The following ARF3 variants were observed in gnomAD, a reference collection of about 807,000 sequenced individuals.
ARF3 encodes ADP-ribosylation factor 3.
ARF3 carries 5 observed loss-of-function variants against 19.3 expected under a neutral mutation model. That is an observed-to-expected ratio of 0.26 (90% confidence interval 0.14 to 0.54). The LOEUF (loss-of-function observed/expected upper bound fraction) is 0.54, where lower values mean the gene tolerates loss of function less well. Among genes scored for constraint, ARF3 ranks in the 20% least tolerant of loss-of-function variants. ARF3 has a pLI of 0.95. For missense variants in ARF3, 77 were observed against 234.2 expected (o/e 0.33, Z 4.38); for synonymous variants, 71 against 89.2 (o/e 0.80, Z 1.15).
At chr12:48,945,959 T>C (rs1940351272) in intron 1 of ARF3, among the ~76,000 whole-genome samples, 1 of 152,146 alleles carries the variant, frequency 6.6e-6, no homozygotes. Context: ...TGTGCCACCA[T>C]GCCTTGCTAA....
intron 1 of ARF3, among the ~76,000 whole-genome samples, chr12:48,948,804 C>T (rs763587861): frequency 1.3e-5 from 2 of 150,802 alleles, no homozygotes; most frequent in South Asian, 2.1e-4. Context: ...GAGTGAGACT[C>T]GGTCTCAAAA....
At position 48,937,914 on chromosome 12, in the gene ARF3, C is replaced by T. The variant is rs1940176020; in HGVS notation, c.*1033G>A. 6.2e-6 allele frequency: 1 copy of T among 160,766 alleles called. No individual in the cohort carries two copies. The highest frequency in any genetic ancestry group is 1.4e-5 in the Non-Finnish European group (1 of 73,042). The allele number at this position is 160,766 out of a possible 1,614,324, so 10.0% of individuals were successfully genotyped here. On this transcript the variant is annotated 3_prime_UTR_variant, in exon 5 of 5. Coordinates refer to ENST00000256682, the MANE Select transcript of ARF3 (RefSeq NM_001659.3). ...ATGGGATTGGCCCATGCCTCACCTT[C>T]TCCTAATAACAAAAGAGAATGAAGA...
Position 48,939,721 on chromosome 12 carries a change from C to T in ARF3, c.318G>A (p.Glu106=). The change falls in exon 4 of 5, where the codon GAG becomes GAA. Residue 106 remains glutamate, a synonymous_variant. Coordinates refer to ENST00000256682, the MANE Select transcript of ARF3 (RefSeq NM_001659.3). The surrounding 1 kb of genome is among the most constrained non-coding windows in gnomAD (Gnocchi z 4.8). ...CGTCCTCCGCCAGCATTCTCATCAGCTCTTCCCGGGCCTCATTTACTCGCT... is the reference window on the plus strand; with the variant it reads ...CGTCCTCCGCCAGCATTCTCATCAGTTCTTCCCGGGCCTCATTTACTCGCT... The part of the protein sequence containing the change: ...DRERVNEARE[E]LMRMLAEDEL... The T allele has an allele frequency of 6.2e-7, 1 of 1,614,206 alleles. No individual in the cohort carries two copies. The highest frequency in any genetic ancestry group is 2.2e-5 in the East Asian group (1 of 44,884).
intron 1 of ARF3, among the ~76,000 whole-genome samples, chr12:48,947,997 G>A (rs1940388911): frequency 6.6e-6 from 1 of 151,100 alleles, no homozygotes. Context: ...CCTGAGGCCA[G>A]GAGTTCAAGG....
chr12:48,950,292 C>A lies in ARF3; in HGVS notation c.-94+7018G>T, dbSNP rs188107676. On this transcript the variant is annotated intron_variant, in intron 1 of 4. Coordinates refer to ENST00000256682, the MANE Select transcript of ARF3 (RefSeq NM_001659.3). Reference sequence around the variant, plus strand: ...CTCACTGCAGCCTCCACCTCCCAGGCTCGAGCAATCCTCCCACTTCAGCCT... The same window carrying A: ...CTCACTGCAGCCTCCACCTCCCAGGATCGAGCAATCCTCCCACTTCAGCCT... Among the ~76,000 whole-genome samples the A allele has an allele frequency of 1.3e-4, 20 of 151,728 alleles. No individual in the cohort carries two copies. In the East Asian group the frequency reaches 3.5e-3, roughly 27 times the overall value.
intron 1 of ARF3, among the ~76,000 whole-genome samples, chr12:48,941,952 T>A (rs1199536800): frequency 6.6e-6 from 1 of 152,180 alleles, no homozygotes; most frequent in African/African-American, 2.4e-5. Context: ...TCCCACATGG[T>A]CGCTGCAATG....
In ARF3 at chr12:48,938,730, G is replaced by T; in HGVS notation, c.*217C>A. The T allele has an allele frequency of 1.6e-6, 1 of 611,200 alleles. No individual in the cohort carries two copies. Among genetic ancestry groups the T allele is most frequent in the Non-Finnish European group, 2.9e-6 (1 of 349,422 alleles). 37.9% of individuals were successfully genotyped at this position (611,200 alleles called of 1,614,324 possible). ...CTTTTTGTTTTAAATCCAGTAAATTGGAATGACTCATCATCAGGACAGCAA... is the reference window on the plus strand; with the variant it reads ...CTTTTTGTTTTAAATCCAGTAAATTTGAATGACTCATCATCAGGACAGCAA... On this transcript the variant is annotated 3_prime_UTR_variant, in exon 5 of 5. Transcript: ENST00000256682.
intron 1 of ARF3, among the ~76,000 whole-genome samples, chr12:48,952,317 C>T (rs1452152036): frequency 2.0e-5 from 3 of 152,154 alleles, no homozygotes; most frequent in Non-Finnish European, 4.4e-5. Flanking sequence ...GCAAGTGAGT[C>T]AGAAAAGATG....
rs1446467545 is a variant in ARF3 at position 48,938,976 on chromosome 12, G to A, written c.517C>T (p.Leu173=). The change falls in exon 5 of 5, where the codon CTG becomes TTG. Residue 173 remains leucine (L), a synonymous_variant. Coordinates refer to ENST00000256682, the MANE Select transcript of ARF3 (RefSeq NM_001659.3). ...TTCTTGTTTTTGAGCTGATTGGCCA[G>A]CCAGTCCAGGCCTTCGTACAGCCCG... ...GDGLYEGLDW[L]ANQLKNKK is the part of the protein sequence containing the mutation. 6.2e-7 allele frequency: 1 copy of A among 1,612,674 alleles called. No individual in the cohort carries two copies. The highest frequency in any genetic ancestry group is 1.7e-5 in the Admixed American group (1 of 60,006).
chr12:48,950,677 C>T (rs902008291), intron 1 of ARF3, among the ~76,000 whole-genome samples: 1 of 152,034 alleles, frequency 6.6e-6, no homozygotes, highest in Non-Finnish European at 1.5e-5. Flanking sequence ...CCCCAATCCC[C>T]CTGTCCCTCC....
Position 48,936,443 on chromosome 12 carries a change from G to A in ARF3, c.*2504C>T, listed in dbSNP as rs1049540509. 9.2e-5 allele frequency: 14 copies of A among 152,624 alleles called. No homozygotes were observed. The highest frequency in any genetic ancestry group is 3.4e-4 in the African/African-American group (14 of 41,432). The allele number at this position is 152,624 out of a possible 1,614,324, so 9.5% of individuals were successfully genotyped here. A position where few individuals can be genotyped will look rare whatever the true frequency, so the allele number is the denominator to read the frequency against. On this transcript the variant is annotated 3_prime_UTR_variant, in exon 5 of 5. Coordinates refer to ENST00000256682, the MANE Select transcript of ARF3 (RefSeq NM_001659.3). ...AAAATTAAACCTACCAGAGAGGAGA[G>A]GAGAGGGAGTGGGCAGAAATGGAAT...
intron 1 of ARF3, chr12:48,956,867 A>AG (rs1402371980): frequency 6.6e-6 from 1 of 152,022 alleles, no homozygotes; most frequent in East Asian, 1.9e-4. Flanking sequence ...AACCACAGCA[A>AG]GGCTTCTCTC....
At chr12:48,951,289 G>A (rs541287926) in intron 1 of ARF3, among the ~76,000 whole-genome samples, 1 of 152,188 alleles carries the variant, frequency 6.6e-6, no homozygotes, top group African/African-American at 2.4e-5. Flanking sequence ...AGCCAGGCGC[G>A]GTGGCTCATA....
At chr12:48,942,006 C>T (rs1247275990) in intron 1 of ARF3, among the ~76,000 whole-genome samples, 2 of 152,172 alleles carry the variant, frequency 1.3e-5, no homozygotes, top group Non-Finnish European at 2.9e-5. Flanking sequence ...CTAAGCCTTT[C>T]GGCCTATTCT....
At chr12:48,948,148 T>A (rs1167791535) in intron 1 of ARF3, among the ~76,000 whole-genome samples, 1 of 150,964 alleles carries the variant, frequency 6.6e-6, no homozygotes, top group Non-Finnish European at 1.5e-5. Context: ...GTGGCTGCAG[T>A]GAGCCATGAT....
At chr12:48,945,545 A>G (rs1940343270) in intron 1 of ARF3, among the ~76,000 whole-genome samples, 1 of 151,652 alleles carries the variant, frequency 6.6e-6, no homozygotes, top group Non-Finnish European at 1.5e-5. Context: ...CGGGCAGACA[A>G]CAGCAAGACT....
In ARF3 at chr12:48,940,117, A is replaced by AG; in HGVS notation, c.149-11_149-10insC. On this transcript the variant is annotated splice_polypyrimidine_tract_variant and intron_variant, in intron 2 of 4. Coordinates refer to ENST00000256682, the MANE Select transcript of ARF3 (RefSeq NM_001659.3). ...GTCTCCACATTGAACCCTTTGGAAAAAAAACAGGCAATGGCCACTTGGCCT... is the reference window on the plus strand; with the variant it reads ...GTCTCCACATTGAACCCTTTGGAAAAGAAAACAGGCAATGGCCACTTGGCCT... 1 of 1,612,542 alleles carries AG rather than the reference A, an allele frequency of 6.2e-7. No individual in the cohort carries two copies. Among genetic ancestry groups the AG allele is most frequent in the Non-Finnish European group, 8.5e-7 (1 of 1,178,738 alleles).
chr12:48,941,953 C>T (rs1032742210), intron 1 of ARF3, among the ~76,000 whole-genome samples: 1 of 152,166 alleles, frequency 6.6e-6, no homozygotes, highest in Non-Finnish European at 1.5e-5. Context: ...CCCACATGGT[C>T]GCTGCAATGA....
chr12:48,938,679 G>GA lies in ARF3; in HGVS notation c.*267_*268insT, dbSNP rs5798093. On this transcript the variant is annotated 3_prime_UTR_variant, in exon 5 of 5. Coordinates refer to ENST00000256682, the MANE Select transcript of ARF3 (RefSeq NM_001659.3). ...CGAAACCCAGAGGGTGAGAGAGAGA[G>GA]GGGCCACCCCATGAAACCGTAACAA... 9 of 477,200 alleles carry GA rather than the reference G, an allele frequency of 1.9e-5. No homozygotes were observed. The highest frequency in any genetic ancestry group is 4.3e-5 in the East Asian group (1 of 23,238). 29.6% of individuals were successfully genotyped at this position (477,200 alleles called of 1,614,324 possible). A position where few individuals can be genotyped will look rare whatever the true frequency, so the allele number is the denominator to read the frequency against.
Sources: allele counts gnomAD v4.1 joint callset (sites outside exome capture counted in the v4.1 genomes callset), GRCh38; gene constraint gnomAD v4.1.1; non-coding constraint Gnocchi (gnomAD v3.1); transcripts MANE v1.5; gene names NCBI Gene and HGNC (gene_info 2026-07-23, HGNC 2026-07-21).